The following MYT1L variants were observed in gnomAD, a reference collection of about 807,000 sequenced individuals.
MYT1L encodes the protein myelin transcription factor 1-like protein.
In MYT1L, 12 loss-of-function variants were observed where a neutral mutation model predicts 126.7. The ratio of observed to expected loss-of-function variants is 0.09; its 90% confidence interval spans 0.06 to 0.15. The LOEUF is 0.15. MYT1L is among the 10% of genes least tolerant of loss of function. The probability of loss-of-function intolerance (pLI) is 1.00; values close to 1 mark genes in which losing one functional copy is unlikely to be tolerated. For missense variants in MYT1L, 979 were observed against 1,585.2 expected (o/e 0.62, Z 6.49); for synonymous variants, 541 against 604.2 (o/e 0.90, Z 1.53).
At chr2:1,957,586 A>G (rs1028056349) in intron 8 of MYT1L, among the ~76,000 whole-genome samples, 1 of 146,208 alleles carries the variant, frequency 6.8e-6, no homozygotes. Flanking sequence ...CCTATCATCC[A>G]TCTATCTATC....
rs115031380 is a variant in MYT1L, at chr2:2,230,136, G to A, written c.-421+54268C>T. On this transcript the variant is annotated intron_variant, in intron 2 of 24. Coordinates refer to ENST00000647738, the MANE Select transcript of MYT1L (RefSeq NM_001303052.2). Reference sequence around the variant, plus strand: ...GATGCATTTGACAACCCTTTTATACGGTGAACAGTGATCTCTCAACAGGAA... The same window carrying A: ...GATGCATTTGACAACCCTTTTATACAGTGAACAGTGATCTCTCAACAGGAA... Among the ~76,000 whole-genome samples, 1,468 of 152,160 alleles carry A rather than the reference G, an allele frequency of 9.6e-3. 7 individuals carry two copies. Among genetic ancestry groups the A allele is most frequent in the Non-Finnish European group, 0.016 (1,102 of 67,992 alleles).
chr2:2,168,995 T>C (rs1012352603), intron 3 of MYT1L, among the ~76,000 whole-genome samples: 1 of 152,216 alleles, frequency 6.6e-6, no homozygotes, highest in East Asian at 1.9e-4. Flanking sequence ...AAACATCTTC[T>C]GTGTTTCAAG....
At chr2:2,007,941 G>T (rs112655856) in intron 4 of MYT1L, among the ~76,000 whole-genome samples, 207 of 152,322 alleles carry the variant, frequency 1.4e-3, no homozygotes, top group African/African-American at 4.8e-3. Context: ...AGAGGAGCCT[G>T]AATTCTGCTA....
At chr2:2,000,151 G>A (rs867485317) in intron 4 of MYT1L, among the ~76,000 whole-genome samples, 5 of 152,098 alleles carry the variant, frequency 3.3e-5, no homozygotes, top group Middle Eastern at 3.4e-3. Flanking sequence ...CTGGGCAGGA[G>A]CAGGGCAGCC....
chr2:2,185,933 T>C (rs1178145661), intron 2 of MYT1L, among the ~76,000 whole-genome samples: 21 of 95,046 alleles, frequency 2.2e-4, no homozygotes, highest in Admixed American at 3.3e-4. Context: ...GCGTTCCTTC[T>C]GTGAGGCGGA....
intron 21 of MYT1L, chr2:1,825,591 T>G (rs2039196382): frequency 2.0e-5 from 3 of 152,216 alleles, no homozygotes; most frequent in South Asian, 4.1e-4. Context: ...TAATTGAGAT[T>G]AATTCACATA....
chr2:2,095,829 T>C (rs1558994769), intron 3 of MYT1L, among the ~76,000 whole-genome samples: 1 of 152,194 alleles, frequency 6.6e-6, no homozygotes, highest in Non-Finnish European at 1.5e-5. Context: ...CCAGCTGTCA[T>C]ACTTGGGTTG....
At chr2:2,251,157 T>C (rs1318382341) in intron 2 of MYT1L, among the ~76,000 whole-genome samples, 1 of 152,222 alleles carries the variant, frequency 6.6e-6, no homozygotes, top group Non-Finnish European at 1.5e-5. Context: ...GATACATTTT[T>C]AAGGCACATA....
chr2:2,295,771 G>C (rs1294685691), intron 1 of MYT1L, among the ~76,000 whole-genome samples: 15 of 141,046 alleles, frequency 1.1e-4, no homozygotes, highest in South Asian at 2.6e-4. Context: ...GACAGACAGA[G>C]AGAGAGATAG....
chr2:2,101,464 C>T (rs1031327598), intron 3 of MYT1L, among the ~76,000 whole-genome samples: 22 of 152,114 alleles, frequency 1.4e-4, no homozygotes, highest in African/African-American at 4.8e-4. Context: ...CACCCACCCA[C>T]CCACCAATCT....
intron 3 of MYT1L, among the ~76,000 whole-genome samples, chr2:2,158,618 A>AACAC (rs74164556): frequency 0.12 from 17,226 of 144,222 alleles, 1,075 homozygotes; most frequent in Non-Finnish European, 0.15. Flanking sequence ...CCATGGCATA[A>AACAC]ACACACACAC....
intron 3 of MYT1L, among the ~76,000 whole-genome samples, chr2:2,094,190 A>G (rs1179290303): frequency 6.6e-6 from 1 of 152,228 alleles, no homozygotes; most frequent in African/African-American, 2.4e-5. Flanking sequence ...ACTGGCCATC[A>G]GAGAAATGCA....
intron 2 of MYT1L, among the ~76,000 whole-genome samples, chr2:2,263,268 A>C (rs1374953025): frequency 2.0e-5 from 3 of 151,894 alleles, no homozygotes; most frequent in African/African-American, 7.3e-5. Flanking sequence ...ATGGAAGAGA[A>C]GGGGAACCCT....
chr2:2,032,289 T>C (rs1468061221), intron 4 of MYT1L, among the ~76,000 whole-genome samples: 217 of 66,686 alleles, frequency 3.3e-3, no homozygotes, highest in Admixed American at 5.0e-3. Context: ...CTTACACACA[T>C]CCCTCCCCAG....
intron 18 of MYT1L, chr2:1,885,564 C>T (rs1478723630): frequency 1.3e-5 from 2 of 152,640 alleles, no homozygotes; most frequent in African/African-American, 4.8e-5. Flanking sequence ...TCGTCAGGGT[C>T]CTCGGATGCC....
At chr2:2,101,316 C>T (rs928703024) in intron 3 of MYT1L, among the ~76,000 whole-genome samples, 1 of 152,076 alleles carries the variant, frequency 6.6e-6, no homozygotes, top group Non-Finnish European at 1.5e-5. Context: ...CCAGTCCTTC[C>T]TCTCTCATAT....
intron 4 of MYT1L, among the ~76,000 whole-genome samples, chr2:2,032,192 C>T (rs1259366156): frequency 1.1e-4 from 9 of 79,452 alleles, no homozygotes; most frequent in Non-Finnish European, 2.1e-4. Flanking sequence ...TCCTGTGGCC[C>T]AGAGCAGATT....
chr2:2,161,450 T>C (rs2087913017), intron 3 of MYT1L, among the ~76,000 whole-genome samples: 1 of 152,244 alleles, frequency 6.6e-6, no homozygotes, highest in South Asian at 2.1e-4. Flanking sequence ...CGAGGAAGAA[T>C]GGTCGGGTAT....
At chr2:1,822,211 T>C (rs1389255058) in intron 21 of MYT1L, among the ~76,000 whole-genome samples, 1 of 152,194 alleles carries the variant, frequency 6.6e-6, no homozygotes, top group African/African-American at 2.4e-5. Flanking sequence ...GTGGATGGGA[T>C]GGTCTGCACT....
Sources: gnomAD v4.1 joint callset for allele counts (sites outside exome capture counted in the v4.1 genomes callset) on GRCh38, gnomAD v4.1.1 for gene constraint, MANE v1.5 for transcripts, NCBI Gene and HGNC (gene_info 2026-07-23, HGNC 2026-07-21) for gene names.